The following NR3C2 variants were observed in gnomAD, a reference collection of about 807,000 sequenced individuals.
The protein encoded by NR3C2 is nuclear receptor subfamily 3 group C member 2, also known as mineralocorticoid receptor.
In NR3C2, 15 loss-of-function variants were observed where a neutral mutation model predicts 86.4. The observed-to-expected ratio is 0.17, with a 90% CI of 0.12 to 0.27. NR3C2 has a LOEUF of 0.27. NR3C2 is among the 10% of genes least tolerant of loss of function. The probability of loss-of-function intolerance (pLI) is 1.00; values close to 1 mark genes in which losing one functional copy is unlikely to be tolerated. For synonymous variants in NR3C2, 458 were observed against 450.5 expected (o/e 1.02, Z -0.21); for missense variants, 960 against 1,195.6 (o/e 0.80, Z 2.91).
chr4:148,408,696 C>T (rs560604392), intron 2 of NR3C2, among the ~76,000 whole-genome samples: 1 of 152,098 alleles, frequency 6.6e-6, no homozygotes, highest in South Asian at 2.1e-4. Context: ...TGAAAACAGA[C>T]AGTAGAAAAC....
intron 2 of NR3C2, among the ~76,000 whole-genome samples, chr4:148,288,030 T>C (rs1021255439): frequency 1.3e-5 from 2 of 152,156 alleles, no homozygotes; most frequent in African/African-American, 4.8e-5. Context: ...ATGATTTCCA[T>C]AAAATCATTT....
intron 3 of NR3C2, among the ~76,000 whole-genome samples, chr4:148,229,826 T>C (rs190344039): frequency 3.6e-4 from 55 of 152,344 alleles, no homozygotes; most frequent in Middle Eastern, 6.8e-3. Context: ...TGGACATTAT[T>C]GTAGCCTATG....
At chr4:148,083,037 T>C (rs1208646905) in intron 8 of NR3C2, among the ~76,000 whole-genome samples, 1 of 152,016 alleles carries the variant, frequency 6.6e-6, no homozygotes, top group Non-Finnish European at 1.5e-5. Context: ...ATTCCTCCTC[T>C]CTGGGCAAAG....
intron 2 of NR3C2, among the ~76,000 whole-genome samples, chr4:148,347,747 C>T (rs1745068276): frequency 6.6e-6 from 1 of 152,120 alleles, no homozygotes; most frequent in African/African-American, 2.4e-5. Context: ...TTTGAGCTTA[C>T]AACCTCATGA....
chr4:148,338,747 C>T (rs1225299579), intron 2 of NR3C2, among the ~76,000 whole-genome samples: 1 of 152,078 alleles, frequency 6.6e-6, no homozygotes, highest in Non-Finnish European at 1.5e-5. Context: ...TCCAATAATG[C>T]TGAAAGGAAT....
At chr4:148,183,910 TCCATGG>T (rs1735759642) in intron 4 of NR3C2, among the ~76,000 whole-genome samples, 1 of 152,090 alleles carries the variant, frequency 6.6e-6, no homozygotes, top group Non-Finnish European at 1.5e-5. Flanking sequence ...CCAGTAATGC[TCCATGG>T]CCCCAAGGGG....
intron 3 of NR3C2, among the ~76,000 whole-genome samples, chr4:148,251,769 T>A (rs1330803050): frequency 6.6e-6 from 1 of 152,214 alleles, no homozygotes; most frequent in African/African-American, 2.4e-5. Context: ...AAATAGAGAT[T>A]ACCCAATTTC....
At chr4:148,177,218 G>A (rs928918455) in intron 4 of NR3C2, among the ~76,000 whole-genome samples, 6 of 152,036 alleles carry the variant, frequency 3.9e-5, no homozygotes, top group African/African-American at 9.7e-5. Flanking sequence ...TATTAATCAT[G>A]GTAATGAGTA....
chr4:148,292,727 G>C (rs1036003577), intron 2 of NR3C2, among the ~76,000 whole-genome samples: 2 of 151,974 alleles, frequency 1.3e-5, no homozygotes, highest in Non-Finnish European at 2.9e-5. Flanking sequence ...AAACAGCAAG[G>C]TCCTTGACTA....
chr4:148,111,044 T>G (rs1732025532), intron 8 of NR3C2, among the ~76,000 whole-genome samples: 1 of 152,152 alleles, frequency 6.6e-6, no homozygotes, highest in South Asian at 2.1e-4. Context: ...GCTAAGAGAA[T>G]GAAAAGATCA....
At chr4:148,106,999 A>C (rs1252493023) in intron 8 of NR3C2, among the ~76,000 whole-genome samples, 1 of 152,248 alleles carries the variant, frequency 6.6e-6, no homozygotes, top group Non-Finnish European at 1.5e-5. Flanking sequence ...CAAAAGCCAA[A>C]ATTGACAAAT....
chr4:148,152,875 G>A (rs780018529), intron 5 of NR3C2, among the ~76,000 whole-genome samples: 6 of 152,200 alleles, frequency 3.9e-5, no homozygotes, highest in Non-Finnish European at 7.3e-5. Context: ...GCAAGTTTCA[G>A]TGTGGATGAC....
chr4:148,413,329 T>G (rs1472494860), intron 2 of NR3C2, among the ~76,000 whole-genome samples: 2 of 152,056 alleles, frequency 1.3e-5, no homozygotes, highest in Non-Finnish European at 2.9e-5. Context: ...AAAAATAAAT[T>G]CTTTTATCCA....
At position 148,154,915 on chromosome 4, in the gene NR3C2, T is replaced by C; in HGVS notation, c.2015-14A>G. 1 of 1,543,244 alleles carries C rather than the reference T, an allele frequency of 6.5e-7. No homozygotes were observed. The highest frequency in any genetic ancestry group is 8.8e-7 in the Non-Finnish European group (1 of 1,141,238). The stretch of plus-strand genomic sequence containing the variant: ...TTGACTTTCGTGCTATAAGAAACCA[T>C]AAATGATAAGGCCAAATTAAAATTA... On this transcript the variant is annotated splice_polypyrimidine_tract_variant and intron_variant, in intron 4 of 8. Coordinates refer to ENST00000358102, the MANE Select transcript of NR3C2 (RefSeq NM_000901.5).
chr4:148,290,953 A>G (rs1354300512), intron 2 of NR3C2, among the ~76,000 whole-genome samples: 1 of 152,178 alleles, frequency 6.6e-6, no homozygotes. Context: ...ATGAGCAAAC[A>G]AATTAATTAT....
At chr4:148,190,953 C>A (rs1578993619) in intron 4 of NR3C2, among the ~76,000 whole-genome samples, 1 of 152,120 alleles carries the variant, frequency 6.6e-6, no homozygotes, top group South Asian at 2.1e-4. Context: ...TTAAGTGGAG[C>A]ATTTAGGCCA....
intron 2 of NR3C2, among the ~76,000 whole-genome samples, chr4:148,333,252 G>C (rs1744315952): frequency 6.6e-6 from 1 of 151,964 alleles, no homozygotes; most frequent in African/African-American, 2.4e-5. Context: ...CTCCAGTCTG[G>C]GCCACAGAAA....
intron 3 of NR3C2, among the ~76,000 whole-genome samples, chr4:148,212,081 T>G (rs1243966726): frequency 6.6e-6 from 1 of 152,156 alleles, no homozygotes; most frequent in Non-Finnish European, 1.5e-5. Context: ...ACCTGCACAC[T>G]TGATTGAAAC....
chr4:148,234,374 A>G lies in NR3C2; in HGVS notation c.1897+25604T>C, dbSNP rs6854734. On this transcript the variant is annotated intron_variant, in intron 3 of 8. Transcript: ENST00000358102. ...CTCCAGTACTTATATAACCTTATTT[A>G]AAAAGGGGAGGGAGAGGCTGGGGGC... Among the ~76,000 whole-genome samples the G allele has an allele frequency of 7.7e-3, 1,165 of 152,204 alleles. 10 individuals carry two copies. The highest frequency in any genetic ancestry group is 0.025 in the African/African-American group (1,040 of 41,534).
Sources: allele counts gnomAD v4.1 joint callset (sites outside exome capture counted in the v4.1 genomes callset), GRCh38; gene constraint gnomAD v4.1.1; transcripts MANE v1.5; gene names NCBI Gene and HGNC (gene_info 2026-07-23, HGNC 2026-07-21).